Variants in MACROD2 observed in about 807,000 individuals in gnomAD.
The protein encoded by MACROD2 is mono-ADP ribosylhydrolase 2.
In MACROD2, 36 loss-of-function variants were observed where a neutral mutation model predicts 70.4. That is an observed-to-expected ratio of 0.51 (90% CI 0.39 to 0.68). The LOEUF is 0.68. MACROD2 is among the 30% of genes least tolerant of loss of function. The pLI is 0.00. For missense variants in MACROD2, 496 were observed against 538.4 expected, an observed-to-expected ratio of 0.92 and a Z score of 0.78; for synonymous variants, 172 against 178.8, an observed-to-expected ratio of 0.96 and a Z score of 0.30.
At chr20:14,690,252 G>T (rs977491228) in intron 5 of MACROD2, among the ~76,000 whole-genome samples, 4 of 144,052 alleles carry the variant, frequency 2.8e-5, no homozygotes, top group African/African-American at 7.6e-5. Context: ...GGTGGAATCT[G>T]TTTCTTTTAT....
intron 8 of MACROD2, among the ~76,000 whole-genome samples, chr20:15,711,311 G>A (rs1240443076): frequency 3.3e-5 from 5 of 152,172 alleles, no homozygotes; most frequent in Non-Finnish European, 5.9e-5. Context: ...TTCTTATCTC[G>A]TGGTATGTTA....
intron 1 of MACROD2, among the ~76,000 whole-genome samples, chr20:13,997,327 C>A (rs1346357443): frequency 6.6e-6 from 1 of 152,126 alleles, no homozygotes; most frequent in Non-Finnish European, 1.5e-5. Context: ...AGTTTCAACA[C>A]ACTTTCAACA....
chr20:15,660,977 A>G (rs2049813741), intron 8 of MACROD2, among the ~76,000 whole-genome samples: 1 of 152,186 alleles, frequency 6.6e-6, no homozygotes. Context: ...GTTTTGTACT[A>G]ATTTTCTTTG....
At chr20:15,418,188 CAATG>C (rs1475566577) in intron 6 of MACROD2, among the ~76,000 whole-genome samples, 1 of 152,170 alleles carries the variant, frequency 6.6e-6, no homozygotes, top group Admixed American at 6.5e-5. Flanking sequence ...TTATGAAAGA[CAATG>C]AAGCCCACGG....
intron 8 of MACROD2, among the ~76,000 whole-genome samples, chr20:15,857,841 C>T (rs533535726): frequency 1.1e-4 from 16 of 152,214 alleles, no homozygotes; most frequent in Admixed American, 3.3e-4. Flanking sequence ...ATGGCTTGTC[C>T]GATGTCACAG....
At chr20:15,021,164 A>G (rs374154581) in intron 5 of MACROD2, among the ~76,000 whole-genome samples, 19 of 122,718 alleles carry the variant, frequency 1.5e-4, no homozygotes, top group East Asian at 2.7e-4. Flanking sequence ...ACCTGTGTGT[A>G]TGTATACACA....
chr20:14,675,297 C>T (rs2070846074), intron 4 of MACROD2, among the ~76,000 whole-genome samples: 2 of 152,068 alleles, frequency 1.3e-5, no homozygotes, highest in Admixed American at 1.3e-4. Flanking sequence ...TTAAATGCAG[C>T]CAGAGAGAAA....
intron 6 of MACROD2, among the ~76,000 whole-genome samples, chr20:15,413,355 A>G (rs1263526752): frequency 6.6e-6 from 1 of 152,210 alleles, no homozygotes; most frequent in Non-Finnish European, 1.5e-5. Flanking sequence ...TATGTAAAGG[A>G]AACATTAACT....
chr20:15,702,419 GA>G (rs773226994), intron 8 of MACROD2, among the ~76,000 whole-genome samples: 3 of 152,164 alleles, frequency 2.0e-5, no homozygotes, highest in Non-Finnish European at 4.4e-5. Flanking sequence ...GACGTTTAGT[GA>G]TGATGAGTAT....
intron 3 of MACROD2, among the ~76,000 whole-genome samples, chr20:14,194,913 A>C (rs2081417361): frequency 6.6e-6 from 1 of 152,180 alleles, no homozygotes; most frequent in Non-Finnish European, 1.5e-5. Flanking sequence ...TTCAGGTGAG[A>C]GAATATTACC....
chr20:15,049,609 A>G (rs956071779), intron 5 of MACROD2, among the ~76,000 whole-genome samples: 2 of 152,182 alleles, frequency 1.3e-5, no homozygotes, highest in African/African-American at 4.8e-5. Context: ...ACCCTCTAAG[A>G]TAAAAAATAT....
intron 7 of MACROD2, among the ~76,000 whole-genome samples, chr20:15,492,112 C>A (rs1600489732): frequency 6.6e-6 from 1 of 152,304 alleles, no homozygotes; most frequent in East Asian, 1.9e-4. Flanking sequence ...ACTCTTATTA[C>A]TTCACCTGTT....
At chr20:14,750,300 AAGTT>A (rs1378969647) in intron 5 of MACROD2, among the ~76,000 whole-genome samples, 1 of 152,090 alleles carries the variant, frequency 6.6e-6, no homozygotes, top group Non-Finnish European at 1.5e-5. Flanking sequence ...CACTTTTTCA[AAGTT>A]AGTTAAAACA....
chr20:14,104,922 T>C (rs931431542), intron 3 of MACROD2, among the ~76,000 whole-genome samples: 20 of 152,246 alleles, frequency 1.3e-4, no homozygotes, highest in Admixed American at 7.2e-4. Flanking sequence ...TCAGTTCTTG[T>C]AATTGCGTGG....
intron 6 of MACROD2, among the ~76,000 whole-genome samples, chr20:15,410,934 C>T (rs185660168): frequency 7.4e-4 from 112 of 152,270 alleles, no homozygotes; most frequent in Non-Finnish European, 1.2e-3. Flanking sequence ...TCATATATCT[C>T]GTGCAAGAGC....
chr20:15,000,071 G>T (rs753403441), intron 5 of MACROD2, among the ~76,000 whole-genome samples: 11 of 152,236 alleles, frequency 7.2e-5, no homozygotes, highest in Non-Finnish European at 1.6e-4. Context: ...AATTTGACTG[G>T]GAACCAAGAG....
At chr20:15,914,733 G>A (rs1217871584) in intron 10 of MACROD2, among the ~76,000 whole-genome samples, 1 of 152,092 alleles carries the variant, frequency 6.6e-6, no homozygotes, top group African/African-American at 2.4e-5. Flanking sequence ...GTGAGCATCA[G>A]GTGGCACAGA....
At chr20:14,491,974 T>A (rs1446224842) in intron 3 of MACROD2, among the ~76,000 whole-genome samples, 1 of 152,080 alleles carries the variant, frequency 6.6e-6, no homozygotes, top group Non-Finnish European at 1.5e-5. Flanking sequence ...TTTTAGAAAA[T>A]GTTTGGTTTA....
At position 14,935,547 on chromosome 20, in the gene MACROD2, T is replaced by C. The variant is rs537453185; in HGVS notation, c.418+250588T>C. ...GATATAACCACTTCAACACAAGGCA[T>C]GTGCTGGACACCTTTTTAGAATTTA... is the stretch of plus-strand genomic sequence containing the variant. On this transcript the variant is annotated intron_variant, in intron 5 of 17. Transcript: ENST00000684519. Among the ~76,000 whole-genome samples the C allele has an allele frequency of 9.8e-5, 15 of 152,326 alleles. No individual in the cohort carries two copies. In the East Asian group the frequency reaches 2.9e-3, roughly 29 times the overall value.
Sources: allele counts gnomAD v4.1 joint callset (sites outside exome capture counted in the v4.1 genomes callset), GRCh38; gene constraint gnomAD v4.1.1; transcripts MANE v1.5; gene names NCBI Gene and HGNC (gene_info 2026-07-23, HGNC 2026-07-21).